TBC1D5: variants seen among roughly 807,000 people sequenced by gnomAD.
TBC1D5 encodes the protein TBC1 domain family, member 5.
In TBC1D5, 75 loss-of-function variants were observed where a neutral mutation model predicts 100.3. The observed-to-expected ratio is 0.75, with a 90% CI of 0.62 to 0.91. TBC1D5 has a LOEUF of 0.91. Among genes scored for constraint, TBC1D5 ranks in the 40% least tolerant of loss-of-function variants. The pLI is 0.00. For synonymous variants in TBC1D5, 323 were observed against 325.6 expected (o/e 0.99, Z 0.09); for missense variants, 910 against 942.4 (o/e 0.97, Z 0.45).
intron 2 of TBC1D5, among the ~76,000 whole-genome samples, chr3:17,545,262 T>G (rs755691152): frequency 1.3e-5 from 2 of 152,176 alleles, no homozygotes; most frequent in Admixed American, 6.5e-5. Flanking sequence ...ACTTATTCCC[T>G]TATAAAATGG....
intron 13 of TBC1D5, among the ~76,000 whole-genome samples, chr3:17,316,721 T>G (rs1309151331): frequency 6.6e-6 from 1 of 152,130 alleles, no homozygotes; most frequent in Non-Finnish European, 1.5e-5. Context: ...GGTCAAACAG[T>G]CTGTAAATCG....
chr3:17,353,646 C>A (rs531218531), intron 13 of TBC1D5, among the ~76,000 whole-genome samples: 13 of 151,886 alleles, frequency 8.6e-5, no homozygotes, highest in Non-Finnish European at 1.5e-4. Flanking sequence ...TCTTATTAAG[C>A]CAAAAGGTTA....
chr3:17,689,243 G>GAC (rs2070743553), intron 1 of TBC1D5, among the ~76,000 whole-genome samples: 1 of 152,084 alleles, frequency 6.6e-6, no homozygotes, highest in Non-Finnish European at 1.5e-5. Context: ...AAATGCGTTA[G>GAC]ACACTCACAA....
chr3:17,653,461 C>T (rs956334886), intron 1 of TBC1D5, among the ~76,000 whole-genome samples: 1 of 151,900 alleles, frequency 6.6e-6, no homozygotes, highest in East Asian at 1.9e-4. Context: ...TGAGAAAATA[C>T]CAGACAAGGC....
chr3:17,586,840 T>C (rs1456877893), intron 2 of TBC1D5, among the ~76,000 whole-genome samples: 1 of 152,058 alleles, frequency 6.6e-6, no homozygotes, highest in Non-Finnish European at 1.5e-5. Flanking sequence ...GGCTTCACTA[T>C]AAAACAATCA....
intron 13 of TBC1D5, among the ~76,000 whole-genome samples, chr3:17,316,539 C>T (rs1055802573): frequency 2.0e-5 from 3 of 152,142 alleles, no homozygotes; most frequent in African/African-American, 7.2e-5. Context: ...TATGTTATTG[C>T]GGATGCTTGT....
At chr3:17,430,498 CA>C (rs1001473309) in intron 3 of TBC1D5, among the ~76,000 whole-genome samples, 19 of 149,652 alleles carry the variant, frequency 1.3e-4, no homozygotes, top group Non-Finnish European at 2.2e-4. Context: ...TTTCAAGGTG[CA>C]AAAAAATGGT....
At chr3:17,740,457 AC>A (rs1357801338) in exon 1 of TBC1D5, 2 of 152,210 alleles carry the variant, frequency 1.3e-5, no homozygotes, top group Non-Finnish European at 2.9e-5. Context: ...AAATTATGGT[AC>A]TAAAAACTTC....
At chr3:17,546,319 A>C (rs191712595) in intron 2 of TBC1D5, among the ~76,000 whole-genome samples, 3 of 152,308 alleles carry the variant, frequency 2.0e-5, no homozygotes, top group Admixed American at 2.0e-4. Flanking sequence ...TACACAACTT[A>C]ATTTTATATT....
chr3:17,459,932 A>G (rs1436583551), intron 3 of TBC1D5, among the ~76,000 whole-genome samples: 2 of 152,242 alleles, frequency 1.3e-5, no homozygotes, highest in Non-Finnish European at 2.9e-5. Flanking sequence ...TCAGCAGGAT[A>G]TATCTGGTTA....
intron 19 of TBC1D5, among the ~76,000 whole-genome samples, chr3:17,171,058 C>G (rs556021387): frequency 1.3e-5 from 2 of 152,250 alleles, no homozygotes; most frequent in African/African-American, 4.8e-5. Flanking sequence ...GCCCGAAAAA[C>G]CTGTGAACCA....
chr3:17,432,805 T>C (rs2094466878), intron 3 of TBC1D5, among the ~76,000 whole-genome samples: 1 of 152,162 alleles, frequency 6.6e-6, no homozygotes, highest in Non-Finnish European at 1.5e-5. Context: ...TTTCATAGAA[T>C]TCTTAAAAAC....
At chr3:17,555,828 TTTGTG>T (rs2153460089) in intron 2 of TBC1D5, among the ~76,000 whole-genome samples, 1 of 152,128 alleles carries the variant, frequency 6.6e-6, no homozygotes, top group East Asian at 1.9e-4. Flanking sequence ...GCTGCTCAGT[TTTGTG>T]CCTGAACTCC....
At chr3:17,279,082 T>C (rs2080317048) in intron 15 of TBC1D5, among the ~76,000 whole-genome samples, 1 of 152,250 alleles carries the variant, frequency 6.6e-6, no homozygotes, top group Admixed American at 6.5e-5. Context: ...AGAGATAAAT[T>C]GCTTATGTTT....
chr3:17,288,915 C>T (rs1308011057), intron 15 of TBC1D5, among the ~76,000 whole-genome samples: 1 of 152,186 alleles, frequency 6.6e-6, no homozygotes, highest in Non-Finnish European at 1.5e-5. Flanking sequence ...GCCGAACCAG[C>T]CCCGGAGCCA....
chr3:17,610,581 A>G (rs182311192), intron 2 of TBC1D5, among the ~76,000 whole-genome samples: 2 of 152,320 alleles, frequency 1.3e-5, no homozygotes, highest in African/African-American at 4.8e-5. Flanking sequence ...TTATTCTTGC[A>G]ATCAGTATCT....
At chr3:17,297,212 G>A (rs2082337447) in intron 14 of TBC1D5, among the ~76,000 whole-genome samples, 1 of 152,192 alleles carries the variant, frequency 6.6e-6, no homozygotes. Flanking sequence ...TAAGTGCACA[G>A]GCTTCTGTTT....
At chr3:17,731,935 GA>G (rs1560577744) in intron 1 of TBC1D5, among the ~76,000 whole-genome samples, 1 of 152,176 alleles carries the variant, frequency 6.6e-6, no homozygotes, top group Non-Finnish European at 1.5e-5. Flanking sequence ...AGTTTCCTGT[GA>G]GCCATTAAGA....
At chr3:17,288,061 G>C (rs1020650221) in intron 15 of TBC1D5, among the ~76,000 whole-genome samples, 2 of 152,152 alleles carry the variant, frequency 1.3e-5, no homozygotes, top group Admixed American at 6.5e-5. Context: ...TATTTTTAGT[G>C]TTTCACTGTT....
Sources: allele counts gnomAD v4.1 joint callset (sites outside exome capture counted in the v4.1 genomes callset), GRCh38; gene constraint gnomAD v4.1.1; transcripts MANE v1.5; gene names NCBI Gene and HGNC (gene_info 2026-07-23, HGNC 2026-07-21).